ADAMTS3: variants seen among roughly 807,000 people sequenced by gnomAD.
ADAMTS3 encodes the protein A disintegrin and metalloproteinase with thrombospondin motifs 3.
In ADAMTS3, 73 loss-of-function variants were observed where a neutral mutation model predicts 129.0. That is an observed-to-expected ratio of 0.57 (90% CI 0.47 to 0.69). ADAMTS3 has a LOEUF of 0.69. Among genes scored for constraint, ADAMTS3 ranks in the 30% least tolerant of loss-of-function variants. The probability of loss-of-function intolerance (pLI) is 0.00; values close to 1 mark genes in which losing one functional copy is unlikely to be tolerated. For synonymous variants in ADAMTS3, 477 were observed against 510.8 expected, an observed-to-expected ratio of 0.93 and a Z score of 0.89; for missense variants, 1,457 against 1,514.5, an observed-to-expected ratio of 0.96 and a Z score of 0.63.
chr4:72,412,464 C>T (rs1722206546), intron 4 of ADAMTS3, among the ~76,000 whole-genome samples: 1 of 151,918 alleles, frequency 6.6e-6, no homozygotes, highest in Non-Finnish European at 1.5e-5. Context: ...GAAGACTTGG[C>T]TCTCCATCTT....
chr4:72,433,428 C>T (rs939062913), intron 3 of ADAMTS3, among the ~76,000 whole-genome samples: 2 of 151,842 alleles, frequency 1.3e-5, no homozygotes, highest in African/African-American at 4.8e-5. Context: ...TCAAAAGAAG[C>T]TATACCTTGC....
chr4:72,526,497 A>G (rs1234439709), intron 3 of ADAMTS3, among the ~76,000 whole-genome samples: 1 of 150,610 alleles, frequency 6.6e-6, no homozygotes, highest in Non-Finnish European at 1.5e-5. Context: ...TATACTAATA[A>G]ATATATAGAA....
intron 3 of ADAMTS3, among the ~76,000 whole-genome samples, chr4:72,496,780 G>A (rs565485207): frequency 3.8e-4 from 58 of 152,050 alleles, no homozygotes; most frequent in African/African-American, 1.4e-3. Flanking sequence ...ATGGACTTTT[G>A]TCCTTTTGTA....
intron 3 of ADAMTS3, among the ~76,000 whole-genome samples, chr4:72,434,175 C>G (rs942763101): frequency 1.3e-5 from 2 of 151,786 alleles, no homozygotes; most frequent in African/African-American, 4.8e-5. Flanking sequence ...AGCTCCCCCC[C>G]ACCAAGAGAA....
intron 5 of ADAMTS3, among the ~76,000 whole-genome samples, chr4:72,329,094 C>T (rs1276185977): frequency 6.6e-6 from 1 of 151,912 alleles, no homozygotes; most frequent in Non-Finnish European, 1.5e-5. Flanking sequence ...CCCAAATGTT[C>T]TGGGGGTGGA....
chr4:72,549,002 AT>A (rs1721542893), intron 2 of ADAMTS3, 118 bp from the exon 3 acceptor site: 1 of 857,624 alleles, frequency 1.2e-6, no homozygotes, highest in Non-Finnish European at 1.7e-6. Context: ...TAATATAGAC[AT>A]TCCTGAATCA....
chr4:72,379,525 T>C (rs1443914211), intron 4 of ADAMTS3, among the ~76,000 whole-genome samples: 1 of 151,828 alleles, frequency 6.6e-6, no homozygotes, highest in Non-Finnish European at 1.5e-5. Flanking sequence ...TAACAGTCCA[T>C]GATTTCAAAA....
chr4:72,504,192 T>A (rs1304844348), intron 3 of ADAMTS3, among the ~76,000 whole-genome samples: 1 of 152,236 alleles, frequency 6.6e-6, no homozygotes, highest in African/African-American at 2.4e-5. Context: ...GTCTGTGGGC[T>A]ATGTACATAA....
intron 4 of ADAMTS3, among the ~76,000 whole-genome samples, chr4:72,348,170 G>A (rs995195189): frequency 1.3e-5 from 2 of 151,996 alleles, no homozygotes; most frequent in Non-Finnish European, 2.9e-5. Context: ...AGCAATGGAC[G>A]AGACAAACAT....
chr4:72,403,421 G>A (rs1721974164), intron 4 of ADAMTS3, among the ~76,000 whole-genome samples: 1 of 150,932 alleles, frequency 6.6e-6, no homozygotes. Flanking sequence ...ATAAAATTCT[G>A]TGGAATTTGG....
chr4:72,528,612 T>A (rs571540751), intron 3 of ADAMTS3, among the ~76,000 whole-genome samples: 1 of 151,718 alleles, frequency 6.6e-6, no homozygotes, highest in Non-Finnish European at 1.5e-5. Context: ...AAAAAGAACT[T>A]ATGCAAACAA....
Position 72,539,757 on chromosome 4 carries a change from G to A in ADAMTS3, c.504+8721C>T, listed in dbSNP as rs561959036. On this transcript the variant is annotated intron_variant, in intron 3 of 21. Coordinates refer to ENST00000286657, the MANE Select transcript of ADAMTS3 (RefSeq NM_014243.3). ...ATAGTGAATTAGTCTCACAAGATCTGATGGTTTTAAACAATGGGAGTTTGC... is the reference window on the plus strand; with the variant it reads ...ATAGTGAATTAGTCTCACAAGATCTAATGGTTTTAAACAATGGGAGTTTGC... 2.6e-5 allele frequency among the ~76,000 whole-genome samples: 4 copies of A among 152,232 alleles called. No individual in the cohort carries two copies. In the South Asian group the frequency reaches 8.3e-4, roughly 32 times the overall value.
Position 72,568,849 on chromosome 4 carries a change from G to T in ADAMTS3, c.-87C>A. On this transcript the variant is annotated 5_prime_UTR_variant, in exon 1 of 22. Coordinates refer to ENST00000286657, the MANE Select transcript of ADAMTS3 (RefSeq NM_014243.3). ...CCCCGCCCAAAATAAGTTTCTTTAA[G>T]AAAAAAAGGAAAAGGGAAAAAATGC... 1.3e-6 allele frequency: 1 copy of T among 785,584 alleles called. No homozygotes were observed. Among genetic ancestry groups the T allele is most frequent in the Non-Finnish European group, 1.8e-6 (1 of 556,922 alleles). 48.7% of individuals were successfully genotyped at this position (785,584 alleles called of 1,614,324 possible).
At chr4:72,303,226 C>T (rs72653989) in intron 17 of ADAMTS3, among the ~76,000 whole-genome samples, 9,431 of 152,096 alleles carry the variant, frequency 0.062, 375 homozygotes, top group Non-Finnish European at 0.096. Flanking sequence ...TTCCCTTGCC[C>T]TTCTCTCCTC....
intron 3 of ADAMTS3, among the ~76,000 whole-genome samples, chr4:72,531,112 G>T (rs1021230023): frequency 1.3e-5 from 2 of 151,784 alleles, no homozygotes; most frequent in African/African-American, 4.8e-5. Context: ...GTCATATCCA[G>T]GGAAAAGATG....
intron 21 of ADAMTS3, 36 bp from the exon 22 acceptor site, chr4:72,283,740 A>G (rs765038900): frequency 6.8e-7 from 1 of 1,481,420 alleles, no homozygotes; most frequent in East Asian, 2.3e-5. Context: ...TAACACTAGC[A>G]TCTAAACATA....
chr4:72,336,642 AG>A (rs1313506752), intron 5 of ADAMTS3, among the ~76,000 whole-genome samples: 3 of 152,190 alleles, frequency 2.0e-5, no homozygotes, highest in African/African-American at 7.2e-5. Flanking sequence ...GCCTGACTCC[AG>A]GGGGAAAACC....
At chr4:72,501,098 C>CT (rs1280495540) in intron 3 of ADAMTS3, among the ~76,000 whole-genome samples, 9 of 151,850 alleles carry the variant, frequency 5.9e-5, no homozygotes, top group Admixed American at 2.0e-4. Context: ...CTATTTGAGC[C>CT]TTTTTTTGTT....
At position 72,435,731 on chromosome 4, in the gene ADAMTS3, C is replaced by T. The variant is rs1722804748; in HGVS notation, c.505-20760G>A. Among the ~76,000 whole-genome samples, 5 of 151,998 alleles carry T rather than the reference C, an allele frequency of 3.3e-5. No individual in the cohort carries two copies. The South Asian group carries it at 1.0e-3, about 32-fold the overall frequency. ...TACAACCATCTGATCTTTGACAAACCTGATAAAAATAGGAAATGGGGAAAG... is the reference window on the plus strand; with the variant it reads ...TACAACCATCTGATCTTTGACAAACTTGATAAAAATAGGAAATGGGGAAAG... On this transcript the variant is annotated intron_variant, in intron 3 of 21. Transcript: ENST00000286657.
Sources: gnomAD v4.1 joint callset for allele counts (sites outside exome capture counted in the v4.1 genomes callset) on GRCh38, gnomAD v4.1.1 for gene constraint, MANE v1.5 for transcripts, NCBI Gene and HGNC (gene_info 2026-07-23, HGNC 2026-07-21) for gene names.